The following DOCK3 variants were observed in gnomAD, a reference collection of about 807,000 sequenced individuals.
DOCK3 encodes dedicator of cytokinesis protein 3.
DOCK3 carries 60 observed loss-of-function variants against 265.6 expected under a neutral mutation model. The observed-to-expected ratio is 0.23, with a 90% confidence interval of 0.18 to 0.28. The LOEUF is 0.28. DOCK3 is among the 10% of genes least tolerant of loss of function. DOCK3 has a pLI of 1.00. For synonymous variants in DOCK3, 881 were observed against 938.0 expected (o/e 0.94, Z 1.11); for missense variants, 1,981 against 2,594.3 (o/e 0.76, Z 5.14).
At chr3:51,247,491 G>A (rs570720778) in intron 22 of DOCK3, among the ~76,000 whole-genome samples, 4 of 152,232 alleles carry the variant, frequency 2.6e-5, no homozygotes, top group Non-Finnish European at 4.4e-5. Context: ...ACAAAAAACA[G>A]TTTTGCTTTA....
At chr3:51,346,640 T>C (rs1246433702) in intron 38 of DOCK3, among the ~76,000 whole-genome samples, 1 of 152,214 alleles carries the variant, frequency 6.6e-6, no homozygotes, top group Non-Finnish European at 1.5e-5. Flanking sequence ...TTATAATCCT[T>C]TGGGTATATA....
intron 9 of DOCK3, among the ~76,000 whole-genome samples, chr3:51,125,751 A>G (rs1243791719): frequency 1.3e-5 from 2 of 152,228 alleles, no homozygotes; most frequent in African/African-American, 2.4e-5. Flanking sequence ...TTTTATGCCA[A>G]ACAGAGAAAA....
chr3:51,303,193 G>A (rs958920686), intron 27 of DOCK3, among the ~76,000 whole-genome samples: 3 of 151,476 alleles, frequency 2.0e-5, no homozygotes, highest in Middle Eastern at 3.4e-3. Flanking sequence ...TTCTCTGCTT[G>A]GTCTGTTCGG....
At chr3:50,872,538 G>A (rs763099908) in intron 3 of DOCK3, among the ~76,000 whole-genome samples, 144 of 152,290 alleles carry the variant, frequency 9.5e-4, no homozygotes, top group Non-Finnish European at 1.5e-3. Context: ...AACCACTCCC[G>A]GGCTACCATA....
intron 2 of DOCK3, among the ~76,000 whole-genome samples, chr3:50,806,311 A>C (rs908174717): frequency 2.6e-5 from 4 of 151,570 alleles, no homozygotes; most frequent in Non-Finnish European, 5.9e-5. Context: ...CACATCCAAG[A>C]GTTGAGCTCT....
At chr3:50,858,553 C>T (rs913987989) in intron 3 of DOCK3, among the ~76,000 whole-genome samples, 3 of 151,982 alleles carry the variant, frequency 2.0e-5, no homozygotes, top group African/African-American at 7.2e-5. Flanking sequence ...TGTAGGTGAC[C>T]TGCACTTTCT....
At chr3:51,076,150 A>C (rs73087211) in intron 7 of DOCK3, among the ~76,000 whole-genome samples, 2 of 152,190 alleles carry the variant, frequency 1.3e-5, no homozygotes, top group Non-Finnish European at 1.5e-5. Flanking sequence ...CTGGACAAGG[A>C]CCTAAGGAAA....
chr3:51,137,110 A>C (rs2084842417), intron 9 of DOCK3, among the ~76,000 whole-genome samples: 1 of 151,988 alleles, frequency 6.6e-6, no homozygotes. Context: ...CCTTTATAAA[A>C]CCCCTTTTTT....
rs780695613 is a variant in DOCK3 at position 51,338,964 on chromosome 3, A to G, written c.3702A>G (p.Glu1234=). The G allele has an allele frequency of 6.2e-6, 10 of 1,611,300 alleles. No individual in the cohort carries two copies. The Admixed American group carries it at 8.4e-5, about 14-fold the overall frequency. The change falls in exon 37 of 53, where the codon GAA becomes GAG. Residue 1234 remains glutamate, a synonymous_variant. Transcript: ENST00000266037. ...MNFYKSEINK[E]EMYIRYIHKL... ...TTTACAAATCTGAGATTAACAAGGA[A>G]GAAATGTATATCCGCTACATCCATA...
intron 40 of DOCK3, among the ~76,000 whole-genome samples, chr3:51,351,734 G>A (rs1314013519): frequency 4.2e-5 from 6 of 141,754 alleles, no homozygotes; most frequent in East Asian, 2.2e-4. Context: ...TTGGCTCACC[G>A]CAACCTCCAC....
At chr3:51,131,584 G>A (rs1002090797) in intron 9 of DOCK3, among the ~76,000 whole-genome samples, 12 of 152,062 alleles carry the variant, frequency 7.9e-5, no homozygotes, top group Admixed American at 3.9e-4. Flanking sequence ...TCTTTTATCC[G>A]TTCAACCTAG....
chr3:50,696,030 G>A (rs1298235614), intron 1 of DOCK3, among the ~76,000 whole-genome samples: 1 of 152,204 alleles, frequency 6.6e-6, no homozygotes, highest in African/African-American at 2.4e-5. Flanking sequence ...AACACGGTTT[G>A]AACAGAATCA....
At chr3:50,678,153 A>T (rs2034124267) in intron 1 of DOCK3, among the ~76,000 whole-genome samples, 2 of 151,286 alleles carry the variant, frequency 1.3e-5, no homozygotes, top group South Asian at 4.2e-4. Context: ...GAAATACTTG[A>T]CTGTCTTGCT....
At chr3:50,698,939 A>G (rs898185196) in intron 1 of DOCK3, among the ~76,000 whole-genome samples, 2 of 151,868 alleles carry the variant, frequency 1.3e-5, no homozygotes, top group African/African-American at 4.8e-5. Context: ...TTTTTTTCCC[A>G]TCTTATAGGT....
chr3:51,096,131 G>A (rs2082848352), intron 9 of DOCK3, among the ~76,000 whole-genome samples: 1 of 152,088 alleles, frequency 6.6e-6, no homozygotes, highest in Non-Finnish European at 1.5e-5. Flanking sequence ...CTCTTCTCAA[G>A]GAGTATCTTT....
chr3:51,014,929 C>T (rs1329626919), intron 5 of DOCK3, among the ~76,000 whole-genome samples: 1 of 151,854 alleles, frequency 6.6e-6, no homozygotes, highest in Admixed American at 6.6e-5. Context: ...TCTTGATTTC[C>T]TTTTCAGATT....
At chr3:51,039,861 A>G (rs917218252) in intron 5 of DOCK3, among the ~76,000 whole-genome samples, 3 of 143,520 alleles carry the variant, frequency 2.1e-5, no homozygotes, top group Non-Finnish European at 3.0e-5. Flanking sequence ...GGGTTTCTGC[A>G]TTATAGCTTG....
At chr3:50,821,533 C>A (rs1220024038) in intron 2 of DOCK3, among the ~76,000 whole-genome samples, 7 of 152,170 alleles carry the variant, frequency 4.6e-5, no homozygotes, top group African/African-American at 1.2e-4. Context: ...ATCTCCTGAC[C>A]TCGTGATCCG....
At chr3:51,343,551 A>T (rs2085369529) in intron 38 of DOCK3, among the ~76,000 whole-genome samples, 1 of 152,222 alleles carries the variant, frequency 6.6e-6, no homozygotes. Flanking sequence ...AAGAGAAGTG[A>T]TTGGATTTCA....
Sources: gnomAD v4.1 joint callset for allele counts (sites outside exome capture counted in the v4.1 genomes callset) on GRCh38, gnomAD v4.1.1 for gene constraint, MANE v1.5 for transcripts, NCBI Gene and HGNC (gene_info 2026-07-23, HGNC 2026-07-21) for gene names.